The following RABGAP1L variants were observed in gnomAD, a reference collection of about 807,000 sequenced individuals.
The protein encoded by RABGAP1L is RAB GTPase activating protein 1 like, also known as rab GTPase-activating protein 1-like.
Under a neutral mutation model 137.7 loss-of-function variants are expected in RABGAP1L, and 63 were observed. That is an observed-to-expected ratio of 0.46 (90% confidence interval 0.37 to 0.56). The LOEUF is 0.56. Among genes scored for constraint, RABGAP1L ranks in the 20% least tolerant of loss-of-function variants. RABGAP1L has a pLI of 0.00. For missense variants in RABGAP1L, 1,095 were observed against 1,244.0 expected, an observed-to-expected ratio of 0.88 and a Z score of 1.80; for synonymous variants, 431 against 433.7, an observed-to-expected ratio of 0.99 and a Z score of 0.08.
intron 13 of RABGAP1L, among the ~76,000 whole-genome samples, chr1:174,417,805 A>G (rs1343392585): frequency 2.0e-5 from 3 of 152,216 alleles, no homozygotes; most frequent in Admixed American, 6.5e-5. Flanking sequence ...TACAGTTAAC[A>G]TAGAAGTCTA....
At chr1:174,465,217 T>G (rs951506179) in intron 13 of RABGAP1L, among the ~76,000 whole-genome samples, 3 of 152,166 alleles carry the variant, frequency 2.0e-5, no homozygotes, top group African/African-American at 7.2e-5. Context: ...GCATTTTTTT[T>G]GAGGCGGAGT....
intron 13 of RABGAP1L, chr1:174,547,696 G>T (rs538770744): frequency 2.9e-6 from 2 of 681,248 alleles, no homozygotes; most frequent in East Asian, 2.7e-5. Context: ...AAGTAATTCT[G>T]TGTTCTTTTA....
chr1:174,385,417 T>C (rs1686677416), intron 12 of RABGAP1L, among the ~76,000 whole-genome samples: 1 of 152,224 alleles, frequency 6.6e-6, no homozygotes, highest in African/African-American at 2.4e-5. Flanking sequence ...TCCAAGTGAC[T>C]ATGTCCATTA....
At chr1:174,953,021 G>T (rs1667956273) in intron 19 of RABGAP1L, among the ~76,000 whole-genome samples, 1 of 134,586 alleles carries the variant, frequency 7.4e-6, no homozygotes, top group Non-Finnish European at 1.6e-5. Context: ...AATTAGCTAG[G>T]CATGGGTGGC....
intron 17 of RABGAP1L, among the ~76,000 whole-genome samples, chr1:174,733,006 AAAC>A (rs1383382985): frequency 6.6e-6 from 1 of 152,152 alleles, no homozygotes; most frequent in Non-Finnish European, 1.5e-5. Context: ...TCTGAAAAAA[AAAC>A]CCTCTGAGGT....
chr1:174,988,546 C>A, intron 24 of RABGAP1L, 95 bp from the exon 25 acceptor site: 1 of 1,111,830 alleles, frequency 9.0e-7, no homozygotes, highest in Non-Finnish European at 1.2e-6. Flanking sequence ...GCATCTATGA[C>A]AATAAGCAGC....
chr1:174,164,271 C>T (rs974349685), intron 1 of RABGAP1L, among the ~76,000 whole-genome samples: 1 of 152,062 alleles, frequency 6.6e-6, no homozygotes, highest in Non-Finnish European at 1.5e-5. Flanking sequence ...CAGTTTGTTA[C>T]TCCCATTTTT....
At chr1:174,312,247 G>A (rs1043821813) in intron 11 of RABGAP1L, among the ~76,000 whole-genome samples, 5 of 152,146 alleles carry the variant, frequency 3.3e-5, no homozygotes, top group African/African-American at 1.2e-4. Context: ...TACATCACTA[G>A]CATTTGTGAT....
At chr1:174,788,873 G>C (rs895773294) in intron 18 of RABGAP1L, among the ~76,000 whole-genome samples, 2 of 151,986 alleles carry the variant, frequency 1.3e-5, no homozygotes, top group Admixed American at 6.6e-5. Context: ...CACCACAACT[G>C]GCTAATTTTT....
At chr1:174,370,516 T>C (rs1477317880) in intron 11 of RABGAP1L, among the ~76,000 whole-genome samples, 2 of 148,380 alleles carry the variant, frequency 1.3e-5, no homozygotes, top group African/African-American at 2.5e-5. Flanking sequence ...ACCTAACTTT[T>C]TTTTTTTTTT....
intron 20 of RABGAP1L, among the ~76,000 whole-genome samples, 153 bp from the exon 21 acceptor site, chr1:174,969,124 C>A (rs1669915579): frequency 6.6e-6 from 1 of 152,182 alleles, no homozygotes; most frequent in Non-Finnish European, 1.5e-5. Context: ...ACTGTTGTTT[C>A]CCAGACAGCA....
At chr1:174,249,431 C>G (rs1197812639) in intron 5 of RABGAP1L, among the ~76,000 whole-genome samples, 1 of 152,114 alleles carries the variant, frequency 6.6e-6, no homozygotes, top group East Asian at 1.9e-4. Flanking sequence ...ATTCAGATAC[C>G]AATATCATTT....
intron 20 of RABGAP1L, among the ~76,000 whole-genome samples, chr1:174,962,861 G>T (rs933831011): frequency 1.3e-5 from 2 of 152,142 alleles, no homozygotes; most frequent in Non-Finnish European, 2.9e-5. Context: ...ACTTTGGGAG[G>T]CCAAGGCAGG....
chr1:174,638,776 T>C (rs1674276153), intron 14 of RABGAP1L, among the ~76,000 whole-genome samples: 1 of 147,240 alleles, frequency 6.8e-6, no homozygotes, highest in Non-Finnish European at 1.5e-5. Flanking sequence ...CTCAGTAAAC[T>C]ATCGCAAGAA....
chr1:174,622,465 C>G (rs1343949847), intron 13 of RABGAP1L, among the ~76,000 whole-genome samples: 1 of 152,274 alleles, frequency 6.6e-6, no homozygotes, highest in South Asian at 2.1e-4. Flanking sequence ...AAATGTCCAA[C>G]AATGATAGAC....
chr1:174,952,526 A>G (rs984855450), intron 19 of RABGAP1L, among the ~76,000 whole-genome samples: 1 of 151,642 alleles, frequency 6.6e-6, no homozygotes, highest in African/African-American at 2.4e-5. Context: ...AAAAAAAATG[A>G]TGATTGAGTT....
At chr1:174,401,964 T>C (rs1648643345) in intron 13 of RABGAP1L, among the ~76,000 whole-genome samples, 1 of 152,126 alleles carries the variant, frequency 6.6e-6, no homozygotes, top group South Asian at 2.1e-4. Context: ...AGAAGTTCAG[T>C]ATGACCCATG....
intron 1 of RABGAP1L, among the ~76,000 whole-genome samples, chr1:174,210,864 A>G (rs1668834723): frequency 6.6e-6 from 1 of 152,220 alleles, no homozygotes; most frequent in Non-Finnish European, 1.5e-5. Context: ...AGAAGAAACA[A>G]ATAACATATA....
At chr1:174,510,861 T>G (rs1279985019) in intron 13 of RABGAP1L, among the ~76,000 whole-genome samples, 2 of 152,230 alleles carry the variant, frequency 1.3e-5, no homozygotes, top group African/African-American at 4.8e-5. Context: ...TATATACTAA[T>G]TAGTTGATTT....
Sources: allele counts gnomAD v4.1 joint callset (sites outside exome capture counted in the v4.1 genomes callset), GRCh38; gene constraint gnomAD v4.1.1; transcripts MANE v1.5; gene names NCBI Gene and HGNC (gene_info 2026-07-23, HGNC 2026-07-21).